The following SPACA6 variants were observed in gnomAD, a reference collection of about 807,000 sequenced individuals.
SPACA6 encodes sperm acrosome associated 6.
For missense variants in SPACA6, 8 were observed against 2.8 expected, an observed-to-expected ratio of 2.88 and a Z score of -1.34; for synonymous variants, 6 against 1.5, an observed-to-expected ratio of 4.05 and a Z score of -2.21.
chr19:51,709,520 G>GA (rs932611063), downstream of SPACA6, among the ~76,000 whole-genome samples: 11 of 24,006 alleles, frequency 4.6e-4, no homozygotes, highest in East Asian at 4.1e-3. Flanking sequence ...TGCATCTCAG[G>GA]AAAAAAAAGG....
intron 1 of SPACA6, chr19:51,694,191 A>C (rs979087274): frequency 6.2e-6 from 2 of 324,984 alleles, no homozygotes; most frequent in Admixed American, 9.9e-5. Context: ...ATGGAGACTC[A>C]GAGGGTGGAA....
intron 8 of SPACA6, 54 bp downstream of exon 8, chr19:51,704,534 C>G (rs1010763225): frequency 2.5e-6 from 1 of 399,914 alleles, no homozygotes; most frequent in Non-Finnish European, 4.4e-6. Flanking sequence ...TGTCTCAGAT[C>G]CCACCGAGAA....
chr19:51,689,219 G>A (rs1194951708), upstream of SPACA6: 1 of 152,270 alleles, frequency 6.6e-6, no homozygotes, highest in African/African-American at 2.4e-5. Context: ...GGGCTGGATG[G>A]AATTTTTTCC....
chr19:51,697,449 C>T (rs540470431), intron 2 of SPACA6, among the ~76,000 whole-genome samples: 8 of 152,174 alleles, frequency 5.3e-5, no homozygotes, highest in Non-Finnish European at 8.8e-5. Context: ...GTTTGCCATA[C>T]ACAGAGTCAT....
chr19:51,693,330 G>T lies in SPACA6; in HGVS notation c.-197G>T. The stretch of plus-strand genomic sequence containing the variant: ...CACAGGTGAGGTTCTTGGGAGCCTG[G>T]CGTCTGGCCCAACCACACACCTGGG... On this transcript the variant is annotated 5_prime_UTR_variant, in exon 1 of 9. Transcript: ENST00000637797. 1.3e-6 allele frequency: 1 copy of T among 750,252 alleles called. No individual in the cohort carries two copies. The highest frequency in any genetic ancestry group is 2.5e-6 in the Non-Finnish European group (1 of 399,716). The allele number at this position is 750,252 out of a possible 1,614,324, so 46.5% of individuals were successfully genotyped here. A position where few individuals can be genotyped will look rare whatever the true frequency, so the allele number is the denominator to read the frequency against.
intron 2 of SPACA6, among the ~76,000 whole-genome samples, chr19:51,700,497 G>A (rs1047297320): frequency 6.6e-6 from 1 of 152,248 alleles, no homozygotes; most frequent in East Asian, 1.9e-4. Context: ...AATTTTATAT[G>A]TTGGCAACTG....
upstream of SPACA6, chr19:51,687,502 A>AC (rs961042227): frequency 1.3e-5 from 2 of 151,688 alleles, no homozygotes; most frequent in Non-Finnish European, 2.9e-5. Context: ...AAAAAAAAAA[A>AC]AAACCAAGGT....
At chr19:51,689,253 G>A (rs1172060920), upstream of SPACA6, 1 of 151,750 alleles carries the variant, frequency 6.6e-6, no homozygotes, top group Non-Finnish European at 1.5e-5. Context: ...CAGCTCCGGG[G>A]CAGGGGGGAA....
Position 51,693,419 on chromosome 19 carries a change from A to C in SPACA6, c.-108A>C. ...CCCTTCCTCCAGAGCATGACATTTG[A>C]CCACCAACTGAAACCTGACCTCTGA... is the stretch of plus-strand genomic sequence containing the variant. On this transcript the variant is annotated 5_prime_UTR_variant, in exon 1 of 9. Coordinates refer to ENST00000637797, the MANE Select transcript of SPACA6 (RefSeq NM_001316972.2). The C allele has an allele frequency of 1.6e-6, 1 of 636,928 alleles. No homozygotes were observed. The highest frequency in any genetic ancestry group is 3.0e-6 in the Non-Finnish European group (1 of 330,530). The allele number at this position is 636,928 out of a possible 1,614,324, so 39.5% of individuals were successfully genotyped here. A position where few individuals can be genotyped will look rare whatever the true frequency, so the allele number is the denominator to read the frequency against.
chr19:51,703,332 G>T lies in SPACA6; in HGVS notation c.568G>T (p.Gly190Ter). The change falls in exon 6 of 9, where the codon GGA becomes TGA. Residue 190 changes from glycine to a stop codon, truncating the protein, a stop_gained. Coordinates refer to ENST00000637797, the MANE Select transcript of SPACA6 (RefSeq NM_001316972.2). LOFTEE classifies it high-confidence loss of function. This position sits in a 1 kb window ranked among gnomAD's most constrained non-coding sequence, Gnocchi z 4.2. The stretch of plus-strand genomic sequence containing the variant: ...CACCTATTCCTGGAAGTTCGCAGGA[G>T]GAGGTGTGAGTCGGGGCGGGGCCGG... ...EITYSWKFAG[G>*]GLRTQDLSYF... The T allele has an allele frequency of 2.5e-6, 1 of 399,310 alleles. No homozygotes were observed. Among genetic ancestry groups the T allele is most frequent in the Non-Finnish European group, 4.4e-6 (1 of 226,098 alleles). 24.7% of individuals were successfully genotyped at this position (399,310 alleles called of 1,614,324 possible). A position where few individuals can be genotyped will look rare whatever the true frequency, so the allele number is the denominator to read the frequency against.
chr19:51,706,950 C>G (rs551245872), downstream of SPACA6, among the ~76,000 whole-genome samples: 1 of 152,280 alleles, frequency 6.6e-6, no homozygotes, highest in East Asian at 1.9e-4. Context: ...CGTGAGCCAC[C>G]GCTCCCAGCC....
At chr19:51,693,175 C>A, upstream of SPACA6, 1 of 501,698 alleles carries the variant, frequency 2.0e-6, no homozygotes, top group Non-Finnish European at 3.9e-6. Context: ...CTTTCTGTCT[C>A]TGGCTCTCAG....
At chr19:51,708,875 G>C (rs1285011740), downstream of SPACA6, among the ~76,000 whole-genome samples, 1 of 151,228 alleles carries the variant, frequency 6.6e-6, no homozygotes, top group Middle Eastern at 3.2e-3. Flanking sequence ...AAAAAAAACT[G>C]TTCCAGGCAA....
upstream of SPACA6, chr19:51,693,325 G>T: frequency 2.7e-6 from 2 of 751,056 alleles, no homozygotes; most frequent in Non-Finnish European, 5.0e-6. Context: ...GTTCTTGGGA[G>T]CCTGGCGTCT....
At chr19:51,705,634 C>G (rs967400899), downstream of SPACA6, among the ~76,000 whole-genome samples, 1 of 152,072 alleles carries the variant, frequency 6.6e-6, no homozygotes, top group Non-Finnish European at 1.5e-5. Context: ...AGCAGCCCCC[C>G]ACCACCTCCT....
At chr19:51,692,221 G>A (rs8111742), upstream of SPACA6, among the ~76,000 whole-genome samples, 45,926 of 152,024 alleles carry the variant, frequency 0.3, 7,324 homozygotes, top group African/African-American at 0.39. This position sits in a 1 kb window ranked among gnomAD's most constrained non-coding sequence, Gnocchi z 5.6. Flanking sequence ...GCCAAATTAC[G>A]AGACAAATGA....
At position 51,704,400 on chromosome 19, in the gene SPACA6, C is replaced by T. The variant is rs2083498054; in HGVS notation, c.861C>T (p.Pro287=). 2.5e-6 allele frequency: 1 copy of T among 401,038 alleles called. No homozygotes were observed. Among genetic ancestry groups the T allele is most frequent in the Non-Finnish European group, 4.4e-6 (1 of 226,272 alleles). The allele number at this position is 401,038 out of a possible 1,614,324, so 24.8% of individuals were successfully genotyped here. ...RPSLGELLAR[P]EALTPSNLFL... is the part of the protein sequence containing the mutation. ...GCCTGGGCGAGCTGCTGGCCAGGCC[C>T]GAGGCTCTGACGCCCAGCAATCTGT... Residue 287 remains proline, a synonymous_variant, in exon 8 of 9, where the codon CCC becomes CCT. Coordinates refer to ENST00000637797, the MANE Select transcript of SPACA6 (RefSeq NM_001316972.2).
Position 51,703,907 on chromosome 19 carries a change from C to T in SPACA6, c.574-123C>T. On this transcript the variant is annotated intron_variant, in intron 6 of 8. Coordinates refer to ENST00000637797, the MANE Select transcript of SPACA6 (RefSeq NM_001316972.2). The surrounding 1 kb of genome is among the most constrained non-coding windows in gnomAD (Gnocchi z 4.2). ...TTTAGGGCAGGGGAGCGAGAAGGCTCGGGGGCGGGCTCAAGGCTCAGGGCC... is the reference window on the plus strand; with the variant it reads ...TTTAGGGCAGGGGAGCGAGAAGGCTTGGGGGCGGGCTCAAGGCTCAGGGCC... The T allele has an allele frequency of 2.7e-6, 1 of 374,398 alleles. No individual in the cohort carries two copies. Among genetic ancestry groups the T allele is most frequent in the Non-Finnish European group, 4.6e-6 (1 of 218,778 alleles). The allele number at this position is 374,398 out of a possible 1,614,324, so 23.2% of individuals were successfully genotyped here.
chr19:51,696,072 A>G (rs534343122), intron 2 of SPACA6, among the ~76,000 whole-genome samples: 2 of 152,300 alleles, frequency 1.3e-5, no homozygotes, highest in East Asian at 3.9e-4. Context: ...TGCAGAGTTC[A>G]GCAGAAAAGT....
Sources: allele counts gnomAD v4.1 joint callset (sites outside exome capture counted in the v4.1 genomes callset), GRCh38; gene constraint gnomAD v4.1.1; non-coding constraint Gnocchi (gnomAD v3.1); transcripts MANE v1.5; gene names NCBI Gene and HGNC (gene_info 2026-07-23, HGNC 2026-07-21).